KAT5: variants seen among roughly 807,000 people sequenced by gnomAD.
The protein encoded by KAT5 is histone acetyltransferase KAT5.
A neutral mutation model predicts 68.1 loss-of-function variants in KAT5; 31 were observed. That is an observed-to-expected ratio of 0.46 (90% CI 0.34 to 0.61). The LOEUF (loss-of-function observed/expected upper bound fraction) is 0.61. Among genes scored for constraint, KAT5 ranks in the 20% least tolerant of loss-of-function variants. The pLI is 0.01. For synonymous variants in KAT5, 365 were observed against 292.6 expected, an observed-to-expected ratio of 1.25 and a Z score of -2.52; for missense variants, 451 against 725.5, an observed-to-expected ratio of 0.62 and a Z score of 4.35.
intron 8 of KAT5, 125 bp downstream of exon 8, chr11:65,715,035 C>T: frequency 1.3e-6 from 1 of 772,030 alleles, no homozygotes; most frequent in South Asian, 1.6e-5. Context: ...TTCCTGCTGT[C>T]TGGCAGGTGC....
In KAT5 at chr11:65,712,354, C is replaced by T; in HGVS notation, c.87C>T (p.Asp29=). Residue 29 remains aspartate (D), a synonymous_variant, in exon 1 of 13, where the codon GAC becomes GAT. Transcript: ENST00000341318. ...GAGCCCGAGGCCCCCCAGTAGCCGACCCTGGCGTCGCGCTGTCTCCCCAGG... is the reference window on the plus strand; with the variant it reads ...GAGCCCGAGGCCCCCCAGTAGCCGATCCTGGCGTCGCGCTGTCTCCCCAGG... The part of the protein sequence containing the change: ...VGRARGPPVA[D]PGVALSPQGE... 6.5e-7 allele frequency: 1 copy of T among 1,537,498 alleles called. No individual in the cohort carries two copies. Among genetic ancestry groups the T allele is most frequent in the Non-Finnish European group, 8.7e-7 (1 of 1,152,976 alleles).
In KAT5 at chr11:65,713,494, C is replaced by T. The variant is rs552339924; in HGVS notation, c.531C>T (p.His177=). Residue 177 remains histidine, a synonymous_variant, in exon 4 of 13, where the codon CAC becomes CAT. Transcript: ENST00000341318. The stretch of plus-strand genomic sequence containing the variant: ...CCAGCTCCTGCCTGCAGCCCAACCA[C>T]CGCTCAACGGTACCCTCAGCAATTC... ...LSSSSCLQPN[H]RSTKRKVEVV... 1.9e-6 allele frequency: 3 copies of T among 1,614,238 alleles called. No individual in the cohort carries two copies. The South Asian group carries it at 3.3e-5, about 18-fold the overall frequency.
intron 5 of KAT5, 33 bp from the exon 6 acceptor site, chr11:65,713,740 AC>A: frequency 1.2e-6 from 2 of 1,613,380 alleles, no homozygotes; most frequent in Non-Finnish European, 1.7e-6. Flanking sequence ...GGCTCATTTC[AC>A]AGCCATCCCT....
intron 6 of KAT5, 55 bp from the exon 7 acceptor site, chr11:65,714,440 G>T: frequency 1.3e-6 from 2 of 1,586,682 alleles, no homozygotes; most frequent in Non-Finnish European, 1.7e-6. Context: ...TGTGAGCTGT[G>T]GTGTCCTGCT....
In KAT5 at chr11:65,718,376, C is replaced by T. The variant is rs1329477421; in HGVS notation, c.1265-214C>T. 3.9e-5 allele frequency: 21 copies of T among 537,610 alleles called. No individual in the cohort carries two copies. The East Asian group carries it at 6.0e-4, about 15-fold the overall frequency. The allele number at this position is 537,610 out of a possible 1,614,324, so 33.3% of individuals were successfully genotyped here. ...TTGACTGCAGCTGCTCCTCTCAGTG[C>T]CCTCATGCCCTCCACTGTGCTCAGC... On this transcript the variant is annotated intron_variant, in intron 10 of 12. Transcript: ENST00000341318.
chr11:65,717,364 C>T (rs1248511412), intron 10 of KAT5: 2 of 313,860 alleles, frequency 6.4e-6, no homozygotes, highest in Non-Finnish European at 1.2e-5. Flanking sequence ...CCCCAGTTGT[C>T]CCCTGAGCCT....
chr11:65,719,112 G>T lies in KAT5; in HGVS notation c.1572G>T (p.Arg524=). Residue 524 remains arginine, a synonymous_variant, in exon 13 of 13, where the codon CGG becomes CGT. Transcript: ENST00000341318. ...VDGHERAMLK[R]LLRIDSKCLH... is the part of the protein sequence containing the mutation. The stretch of plus-strand genomic sequence containing the variant: ...GCCATGAGCGGGCCATGCTCAAGCG[G>T]CTCCTGCGGATCGACTCCAAGTGTC... 6.2e-7 allele frequency: 1 copy of T among 1,614,206 alleles called. No homozygotes were observed. Among genetic ancestry groups the T allele is most frequent in the Non-Finnish European group, 8.5e-7 (1 of 1,180,032 alleles).
At position 65,719,228 on chromosome 11, in the gene KAT5, T is replaced by C. The variant is rs760648317; in HGVS notation, c.*47T>C. 2 of 1,600,824 alleles carry C rather than the reference T, an allele frequency of 1.2e-6. No homozygotes were observed. Among genetic ancestry groups the C allele is most frequent in the African/African-American group, 2.7e-5 (2 of 74,804 alleles). On this transcript the variant is annotated 3_prime_UTR_variant, in exon 13 of 13. Coordinates refer to ENST00000341318, the MANE Select transcript of KAT5 (RefSeq NM_182710.3). Reference sequence around the variant, plus strand: ...GCCAAGACGGCAGCAGGACTGGGGCTGATAGCCCACCCCGCCCCCACTGCA... The same window carrying C: ...GCCAAGACGGCAGCAGGACTGGGGCCGATAGCCCACCCCGCCCCCACTGCA...
chr11:65,717,015 G>C, intron 10 of KAT5, 33 bp downstream of exon 10: 1 of 1,521,346 alleles, frequency 6.6e-7, no homozygotes, highest in African/African-American at 1.4e-5. Flanking sequence ...GGGGGTAGTG[G>C]ACCCACTATC....
chr11:65,717,186 C>G (rs1427402622), intron 10 of KAT5: 7 of 598,046 alleles, frequency 1.2e-5, no homozygotes, highest in Non-Finnish European at 1.2e-5. Flanking sequence ...CTCAGCCCCC[C>G]AGTTTGCTCC....
Position 65,712,376 on chromosome 11 carries a change from C to A in KAT5, c.109C>A (p.Gln37Lys). 6.3e-7 allele frequency: 1 copy of A among 1,577,668 alleles called. No homozygotes were observed. Among genetic ancestry groups the A allele is most frequent in the African/African-American group, 1.4e-5 (1 of 72,408 alleles). Residue 37 changes from glutamine (Q) to lysine (K), a missense_variant, in exon 1 of 13, where the codon CAG (glutamine) becomes AAG (lysine). By Grantham distance (53) the Gln-to-Lys change is moderately conservative. This residue lies in a region of KAT5 where 104 missense variants were observed against 107.3 expected (regional missense o/e 0.97). Coordinates refer to ENST00000341318, the MANE Select transcript of KAT5 (RefSeq NM_182710.3). ...CGACCCTGGCGTCGCGCTGTCTCCCCAGGGGGAGATAATCGAGGGCTGCCG... is the reference window on the plus strand; with the variant it reads ...CGACCCTGGCGTCGCGCTGTCTCCCAAGGGGGAGATAATCGAGGGCTGCCG... ...VADPGVALSP[Q>K]GEIIEGCRLP...
rs759379613 is a variant in KAT5, at chr11:65,713,025, T to C, written c.351T>C (p.Pro117=). 29 of 1,613,574 alleles carry C rather than the reference T, an allele frequency of 1.8e-5. No homozygotes were observed. The highest frequency in any genetic ancestry group is 2.3e-5 in the Non-Finnish European group (27 of 1,180,022). The change falls in exon 3 of 13, where the codon CCT becomes CCC. Residue 117 remains proline, a synonymous_variant. Coordinates refer to ENST00000341318, the MANE Select transcript of KAT5 (RefSeq NM_182710.3). ...EAKTPTKNGL[P]GSRPGSPERE... ...AGACCCCCACTAAGAACGGACTTCC[T>C]GGGTCCCGTCCTGGCTCTCCAGAGA... is the stretch of plus-strand genomic sequence containing the variant.
At chr11:65,714,784 A>G in intron 7 of KAT5, 37 bp from the exon 8 acceptor site, 1 of 1,614,176 alleles carries the variant, frequency 6.2e-7, no homozygotes, top group Non-Finnish European at 8.5e-7. Flanking sequence ...AGCACCCTCC[A>G]CGTTGCCCTT....
intron 5 of KAT5, 47 bp downstream of exon 5, chr11:65,713,714 C>T (rs764643297): frequency 2.5e-6 from 4 of 1,613,420 alleles, no homozygotes; most frequent in African/African-American, 1.3e-5. Context: ...CTTCTACTCT[C>T]TGGTGGCTTT....
At chr11:65,714,117 G>A (rs1565207713) in intron 6 of KAT5, 1 of 527,398 alleles carries the variant, frequency 1.9e-6, no homozygotes, top group Non-Finnish European at 3.4e-6. Context: ...TGGCCAACAT[G>A]GTGAAACCTT....
intron 8 of KAT5, chr11:65,715,309 G>A (rs1857155381): frequency 3.9e-6 from 1 of 254,254 alleles, no homozygotes; most frequent in African/African-American, 2.2e-5. Context: ...GTGAAAGGCA[G>A]AGATCATTCT....
At chr11:65,712,200 CACAGGGCGCT>C (rs2135618420), upstream of KAT5, 1 of 1,373,586 alleles carries the variant, frequency 7.3e-7, no homozygotes, top group South Asian at 1.8e-5. Context: ...GGCCCGGGCC[CACAGGGCGCT>C]CGGTCCCGGA....
chr11:65,715,013 A>G (rs1857148283), intron 8 of KAT5, 103 bp downstream of exon 8: 10 of 978,176 alleles, frequency 1.0e-5, no homozygotes, highest in Admixed American at 2.0e-5. Context: ...AGTCCAGCCC[A>G]TTTTTATTGA....
rs969631091 is a variant in KAT5 at position 65,712,354 on chromosome 11, C to A, written c.87C>A (p.Asp29Glu). Reference sequence around the variant, plus strand: ...GAGCCCGAGGCCCCCCAGTAGCCGACCCTGGCGTCGCGCTGTCTCCCCAGG... The same window carrying A: ...GAGCCCGAGGCCCCCCAGTAGCCGAACCTGGCGTCGCGCTGTCTCCCCAGG... ...VGRARGPPVA[D>E]PGVALSPQGE... Residue 29 changes from aspartate to glutamate, a missense_variant, in exon 1 of 13, where the codon GAC (aspartate) becomes GAA (glutamate). Coordinates refer to ENST00000341318, the MANE Select transcript of KAT5 (RefSeq NM_182710.3). The A allele has an allele frequency of 1.3e-6, 2 of 1,537,380 alleles. No individual in the cohort carries two copies. Among genetic ancestry groups the A allele is most frequent in the African/African-American group, 2.8e-5 (2 of 70,406 alleles).
Sources: allele counts gnomAD v4.1 joint callset, GRCh38; gene constraint gnomAD v4.1.1; regional missense constraint gnomAD v4.1.1; transcripts MANE v1.5; gene names NCBI Gene and HGNC (gene_info 2026-07-23, HGNC 2026-07-21).